Variants in DPP10 observed in about 807,000 individuals in gnomAD.
DPP10 encodes the protein inactive dipeptidyl peptidase 10.
A neutral mutation model predicts 120.9 loss-of-function variants in DPP10; 33 were observed. The observed-to-expected ratio is 0.27, with a 90% confidence interval of 0.21 to 0.37. The LOEUF (loss-of-function observed/expected upper bound fraction) is 0.37, where lower values mean the gene tolerates loss of function less well. Among genes scored for constraint, DPP10 ranks in the 10% least tolerant of loss-of-function variants. DPP10 has a pLI of 1.00. For synonymous variants in DPP10, 337 were observed against 326.1 expected (o/e 1.03, Z -0.36); for missense variants, 816 against 942.8 (o/e 0.87, Z 1.76).
At chr2:114,624,453 A>G (rs1694338886) in intron 1 of DPP10, among the ~76,000 whole-genome samples, 1 of 151,998 alleles carries the variant, frequency 6.6e-6, no homozygotes, top group Non-Finnish European at 1.5e-5. Context: ...TGTGAATATT[A>G]TCATGTGAAT....
At chr2:115,617,157 C>T (rs1483882945) in intron 5 of DPP10, among the ~76,000 whole-genome samples, 1 of 149,540 alleles carries the variant, frequency 6.7e-6, no homozygotes, top group Non-Finnish European at 1.5e-5. Context: ...TTTCATGAGG[C>T]TTATACAGTA....
intron 1 of DPP10, among the ~76,000 whole-genome samples, chr2:114,923,063 G>A (rs904683902): frequency 1.3e-5 from 2 of 151,926 alleles, no homozygotes; most frequent in East Asian, 3.9e-4. Flanking sequence ...CAAATCCTTT[G>A]CTCCCAAAAT....
intron 1 of DPP10, among the ~76,000 whole-genome samples, chr2:115,210,102 T>C (rs2056407324): frequency 6.6e-6 from 1 of 152,156 alleles, no homozygotes; most frequent in Non-Finnish European, 1.5e-5. Flanking sequence ...ACATGTGCCA[T>C]GTTGGTGTGC....
At chr2:115,519,428 T>G (rs12464066) in intron 4 of DPP10, among the ~76,000 whole-genome samples, 32,030 of 151,858 alleles carry the variant, frequency 0.21, 3,933 homozygotes, top group East Asian at 0.39. Context: ...AATATATATA[T>G]AGAGAGAGCA....
chr2:115,738,951 A>G (rs1676933663), intron 8 of DPP10, among the ~76,000 whole-genome samples: 1 of 152,192 alleles, frequency 6.6e-6, no homozygotes, highest in Admixed American at 6.6e-5. Flanking sequence ...AAGGAAAGTG[A>G]TGTAAACTAA....
intron 1 of DPP10, among the ~76,000 whole-genome samples, chr2:114,853,975 A>G (rs984048703): frequency 2.0e-5 from 3 of 152,194 alleles, no homozygotes; most frequent in African/African-American, 7.2e-5. Flanking sequence ...AGCCAGAGCC[A>G]CCTAATTAAC....
At chr2:115,264,273 C>T (rs377126103) in intron 1 of DPP10, among the ~76,000 whole-genome samples, 31 of 152,040 alleles carry the variant, frequency 2.0e-4, no homozygotes, top group Admixed American at 7.9e-4. Flanking sequence ...GACTAACCAC[C>T]GACAAAATTT....
intron 5 of DPP10, among the ~76,000 whole-genome samples, chr2:115,542,253 T>C (rs1420502489): frequency 1.3e-5 from 2 of 151,968 alleles, no homozygotes; most frequent in Non-Finnish European, 2.9e-5. Flanking sequence ...TGGCTACTTA[T>C]CTAATTTCTG....
intron 2 of DPP10, among the ~76,000 whole-genome samples, chr2:115,330,660 C>T (rs2062670453): frequency 6.6e-6 from 1 of 151,944 alleles, no homozygotes; most frequent in South Asian, 2.1e-4. Context: ...TATGGCTAGC[C>T]AGTTTTCCCA....
intron 5 of DPP10, among the ~76,000 whole-genome samples, chr2:115,679,034 A>T (rs2090471851): frequency 6.6e-6 from 1 of 152,116 alleles, no homozygotes; most frequent in African/African-American, 2.4e-5. Flanking sequence ...GAAGTAACTA[A>T]TTTGCTTTTG....
At chr2:115,445,010 T>C (rs708649) in intron 3 of DPP10, among the ~76,000 whole-genome samples, 77,910 of 151,882 alleles carry the variant, frequency 0.51, 22,628 homozygotes, top group Non-Finnish European at 0.67. Context: ...ATGAGGGAAA[T>C]TCCCCCATGC....
At chr2:114,706,978 C>A (rs932035473) in intron 1 of DPP10, 1 of 152,088 alleles carries the variant, frequency 6.6e-6, no homozygotes, top group Non-Finnish European at 1.5e-5. Flanking sequence ...TAGATGGATA[C>A]CATGGCCCTC....
intron 7 of DPP10, among the ~76,000 whole-genome samples, chr2:115,714,642 G>A (rs1438833513): frequency 6.6e-6 from 1 of 152,010 alleles, no homozygotes. Context: ...TTTCCTTTGG[G>A]TTCTTTCTAT....
At chr2:115,024,898 C>A (rs966610832) in intron 1 of DPP10, among the ~76,000 whole-genome samples, 1 of 148,940 alleles carries the variant, frequency 6.7e-6, no homozygotes, top group Non-Finnish European at 1.5e-5. Flanking sequence ...ACCCTAATTT[C>A]ATCTTTATAA....
chr2:114,695,350 G>C (rs757950596), intron 1 of DPP10, among the ~76,000 whole-genome samples: 10 of 152,030 alleles, frequency 6.6e-5, no homozygotes, highest in Non-Finnish European at 1.3e-4. Flanking sequence ...TGCAGATCTA[G>C]AGCGGGGGCC....
chr2:115,831,790 T>C (rs751011716), intron 21 of DPP10, among the ~76,000 whole-genome samples: 52 of 152,330 alleles, frequency 3.4e-4, no homozygotes, highest in Admixed American at 7.8e-4. Context: ...CTAAATTAAA[T>C]TTAAAAATAA....
At chr2:115,010,525 A>C (rs62164475) in intron 1 of DPP10, among the ~76,000 whole-genome samples, 63,047 of 151,918 alleles carry the variant, frequency 0.42, 13,271 homozygotes, top group South Asian at 0.55. Flanking sequence ...TAAAAGGTCA[A>C]ATTGAGATAT....
intron 1 of DPP10, among the ~76,000 whole-genome samples, chr2:114,909,988 A>T (rs1047108645): frequency 2.0e-5 from 3 of 151,860 alleles, no homozygotes; most frequent in Non-Finnish European, 4.4e-5. Flanking sequence ...ACTGAATTAC[A>T]TATCTATGTA....
chr2:115,187,830 A>G (rs2054570227), intron 1 of DPP10, among the ~76,000 whole-genome samples: 1 of 152,018 alleles, frequency 6.6e-6, no homozygotes, highest in Admixed American at 6.6e-5. Flanking sequence ...GTGAAACCCC[A>G]TCTCTACACA....
Sources: allele counts gnomAD v4.1 joint callset (sites outside exome capture counted in the v4.1 genomes callset), GRCh38; gene constraint gnomAD v4.1.1; transcripts MANE v1.5; gene names NCBI Gene and HGNC (gene_info 2026-07-23, HGNC 2026-07-21).